Variants in PPME1 observed in about 807,000 individuals in gnomAD.
PPME1 encodes testicular secretory protein Li 39.
PPME1 carries 17 observed loss-of-function variants against 56.9 expected under a neutral mutation model. The observed-to-expected ratio is 0.30, with a 90% CI of 0.20 to 0.45. The LOEUF (loss-of-function observed/expected upper bound fraction) is 0.45, where lower values mean the gene tolerates loss of function less well. PPME1 is among the 20% of genes least tolerant of loss of function. The pLI is 1.00. For synonymous variants in PPME1, 122 were observed against 156.2 expected, an observed-to-expected ratio of 0.78 and a Z score of 1.63; for missense variants, 357 against 483.2, an observed-to-expected ratio of 0.74 and a Z score of 2.45.
intron 3 of PPME1, among the ~76,000 whole-genome samples, chr11:74,208,926 A>G (rs1037477910): frequency 6.6e-6 from 1 of 152,206 alleles, no homozygotes; most frequent in Non-Finnish European, 1.5e-5. Context: ...TAGCTTGGCT[A>G]TAGTTTGAAT....
At chr11:74,227,260 T>C (rs1225358571) in intron 5 of PPME1, among the ~76,000 whole-genome samples, 1 of 152,184 alleles carries the variant, frequency 6.6e-6, no homozygotes, top group African/African-American at 2.4e-5. Flanking sequence ...GTAAAATATT[T>C]ACAGGCCTCA....
rs1287670613 is a variant in PPME1, at chr11:74,239,274, T to G, written c.834+18T>G. Reference sequence around the variant, plus strand: ...ACATGGAGGTGGGTAAAAACATTCATTCTTGAAAAGATGCGGTATGGAATG... The same window carrying G: ...ACATGGAGGTGGGTAAAAACATTCAGTCTTGAAAAGATGCGGTATGGAATG... On this transcript the variant is annotated intron_variant, in intron 9 of 13. Transcript: ENST00000328257. 6.2e-7 allele frequency: 1 copy of G among 1,609,666 alleles called. No individual in the cohort carries two copies. Among genetic ancestry groups the G allele is most frequent in the Non-Finnish European group, 8.5e-7 (1 of 1,178,334 alleles).
At chr11:74,242,631 A>G (rs980297269) in intron 9 of PPME1, among the ~76,000 whole-genome samples, 5 of 152,052 alleles carry the variant, frequency 3.3e-5, no homozygotes, top group African/African-American at 9.7e-5. Flanking sequence ...CTGTAATCTC[A>G]GCGCTTTGGG....
At chr11:74,229,923 A>G (rs1419257850) in intron 5 of PPME1, among the ~76,000 whole-genome samples, 4 of 152,178 alleles carry the variant, frequency 2.6e-5, no homozygotes, top group Admixed American at 1.3e-4. Context: ...TCCAGTTTCA[A>G]TCTTAGGTTC....
At position 74,250,957 on chromosome 11, in the gene PPME1, A is replaced by G. The variant is rs904700564; in HGVS notation, c.1013A>G (p.Lys338Arg). ...KDLTIGQMQGKFQMQVLPQCG... is the reference protein window; with the variant it reads ...KDLTIGQMQGRFQMQVLPQCG... ...CCTTGCTTTGATTCCTCTCCAGGGAAGTTCCAGATGCAGGTCCTACCCCAG... is the reference window on the plus strand; with the variant it reads ...CCTTGCTTTGATTCCTCTCCAGGGAGGTTCCAGATGCAGGTCCTACCCCAG... Residue 338 changes from lysine to arginine, a missense_variant, in exon 12 of 14, where the codon AAG (lysine) becomes AGG (arginine). By Grantham distance (26) the Lys-to-Arg change is conservative. Transcript: ENST00000328257. 6.9e-6 allele frequency: 11 copies of G among 1,598,580 alleles called. No homozygotes were observed. The African/African-American group carries it at 1.3e-4, about 19-fold the overall frequency.
rs545353124 is a variant in PPME1, at chr11:74,242,782, GGCAGGAGAATC to G, written c.835-3291_835-3281del. Among the ~76,000 whole-genome samples, 1,487 of 150,748 alleles carry G rather than the reference GGCAGGAGAATC, an allele frequency of 9.9e-3. 18 individuals are homozygous for G. Among genetic ancestry groups the G allele is most frequent in the African/African-American group, 0.03 (1,236 of 41,016 alleles). ...TAGTCCCAGCTACTCGGGAGGCTGA[GGCAGGAGAATC>G]GCTTGAACCCGGGAGGCAGAGGTTG... On this transcript the variant is annotated intron_variant, in intron 9 of 13. Transcript: ENST00000328257.
intron 3 of PPME1, among the ~76,000 whole-genome samples, chr11:74,218,984 A>C (rs1304871652): frequency 6.6e-6 from 1 of 152,196 alleles, no homozygotes; most frequent in African/African-American, 2.4e-5. Context: ...CAAACTATCC[A>C]TCTGACAAGG....
At chr11:74,245,195 G>A (rs1859473508) in intron 9 of PPME1, among the ~76,000 whole-genome samples, 2 of 151,374 alleles carry the variant, frequency 1.3e-5, no homozygotes, top group Admixed American at 6.6e-5. Context: ...ATTTTAAGGT[G>A]ATTTTTTTTA....
At chr11:74,195,368 A>T (rs1857953748) in intron 1 of PPME1, among the ~76,000 whole-genome samples, 1 of 152,290 alleles carries the variant, frequency 6.6e-6, no homozygotes, top group East Asian at 1.9e-4. Context: ...GAACACTATT[A>T]TTAATGGAAT....
chr11:74,200,394 TGTGTGTGG>T (rs1026240468), intron 1 of PPME1, among the ~76,000 whole-genome samples: 4 of 150,504 alleles, frequency 2.7e-5, no homozygotes, highest in Non-Finnish European at 4.5e-5. Flanking sequence ...TGTGTGTGTG[TGTGTGTGG>T]ACGAAGTCTC....
intron 1 of PPME1, 41 bp from the exon 2 acceptor site, chr11:74,203,687 G>A (rs1565382261): frequency 6.8e-7 from 1 of 1,475,630 alleles, no homozygotes; most frequent in East Asian, 2.3e-5. Context: ...ATCTCTTTAT[G>A]CATAATTTTT....
intron 3 of PPME1, among the ~76,000 whole-genome samples, chr11:74,217,037 A>G (rs1858665204): frequency 6.6e-6 from 1 of 152,190 alleles, no homozygotes; most frequent in Admixed American, 6.5e-5. Context: ...TTTACCAAAC[A>G]TTTAAAAAAG....
At position 74,253,586 on chromosome 11, in the gene PPME1, T is replaced by C; in HGVS notation, c.*76T>C. On this transcript the variant is annotated 3_prime_UTR_variant, in exon 14 of 14. Transcript: ENST00000328257. ...GCACCAGAGGCCACTGTGATGCCACTGTCTCCTCTCCATCCCGCCCAGCCA... is the reference window on the plus strand; with the variant it reads ...GCACCAGAGGCCACTGTGATGCCACCGTCTCCTCTCCATCCCGCCCAGCCA... 6.8e-7 allele frequency: 1 copy of C among 1,480,408 alleles called. No homozygotes were observed. Among genetic ancestry groups the C allele is most frequent in the Non-Finnish European group, 9.4e-7 (1 of 1,058,794 alleles). 91.7% of individuals were successfully genotyped at this position (1,480,408 alleles called of 1,614,324 possible). A position where few individuals can be genotyped will look rare whatever the true frequency, so the allele number is the denominator to read the frequency against.
intron 13 of PPME1, among the ~76,000 whole-genome samples, chr11:74,252,247 TTTTG>T (rs1434098292): frequency 1.8e-4 from 26 of 147,980 alleles, no homozygotes; most frequent in African/African-American, 6.8e-4. Context: ...TTGTTTTTTT[TTTTG>T]TTTTTTTTTT....
intron 3 of PPME1, among the ~76,000 whole-genome samples, chr11:74,211,513 A>C (rs1018317536): frequency 3.3e-5 from 5 of 152,206 alleles, no homozygotes; most frequent in African/African-American, 1.2e-4. Flanking sequence ...AACACAAATG[A>C]ATTTAAATAA....
At chr11:74,246,592 G>A (rs1203751865) in intron 10 of PPME1, among the ~76,000 whole-genome samples, 1 of 152,180 alleles carries the variant, frequency 6.6e-6, no homozygotes, top group Non-Finnish European at 1.5e-5. Context: ...TCAGTCCATA[G>A]CAGTGTTGGT....
intron 3 of PPME1, among the ~76,000 whole-genome samples, chr11:74,218,178 C>T (rs1858707254): frequency 6.6e-6 from 1 of 151,300 alleles, no homozygotes; most frequent in Non-Finnish European, 1.5e-5. Flanking sequence ...ACAGTAGCTA[C>T]AAATAAAATA....
At chr11:74,179,665 AAAGT>A (rs1399014170) in intron 1 of PPME1, among the ~76,000 whole-genome samples, 1 of 152,188 alleles carries the variant, frequency 6.6e-6, no homozygotes, top group Non-Finnish European at 1.5e-5. Flanking sequence ...TTCCTTTCAT[AAAGT>A]AAGATTTGAG....
intron 1 of PPME1, among the ~76,000 whole-genome samples, chr11:74,203,013 T>G (rs1009389691): frequency 1.1e-4 from 17 of 152,140 alleles, no homozygotes; most frequent in African/African-American, 4.1e-4. Flanking sequence ...TATTAATATA[T>G]TTGTTCATTT....
Sources: allele counts gnomAD v4.1 joint callset (sites outside exome capture counted in the v4.1 genomes callset), GRCh38; gene constraint gnomAD v4.1.1; transcripts MANE v1.5; gene names NCBI Gene and HGNC (gene_info 2026-07-23, HGNC 2026-07-21).